The following METAP2 variants were observed in gnomAD, a reference collection of about 807,000 sequenced individuals.
METAP2 encodes methionyl aminopeptidase 2, also known as methionine aminopeptidase 2.
In METAP2, 25 loss-of-function variants were observed where a neutral mutation model predicts 59.4. That is an observed-to-expected ratio of 0.42 (90% CI 0.31 to 0.59). The LOEUF (loss-of-function observed/expected upper bound fraction) is 0.59, where lower values mean the gene tolerates loss of function less well. METAP2 is among the 20% of genes least tolerant of loss of function. METAP2 has a pLI of 0.16. For synonymous variants in METAP2, 214 were observed against 194.1 expected (o/e 1.10, Z -0.85); for missense variants, 366 against 581.2 (o/e 0.63, Z 3.81).
chr12:95,506,339 C>T (rs989962125), intron 8 of METAP2, among the ~76,000 whole-genome samples: 9 of 148,484 alleles, frequency 6.1e-5, no homozygotes, highest in African/African-American at 2.0e-4. Flanking sequence ...CTCTGTCGCC[C>T]AGGCTAGAGT....
At position 95,479,957 on chromosome 12, in the gene METAP2, T is replaced by C. The variant is rs114654013; in HGVS notation, c.260-3258T>C. ...TATAGTTTGGTGAGTTTTGACAAAG[T>C]ATGCAATTGTGTAACTACTACCACG... On this transcript the variant is annotated intron_variant, in intron 2 of 10. Coordinates refer to ENST00000323666, the MANE Select transcript of METAP2 (RefSeq NM_006838.4). Among the ~76,000 whole-genome samples, 1,094 of 152,310 alleles carry C rather than the reference T, an allele frequency of 7.2e-3. 15 individuals are homozygous for C. The highest frequency in any genetic ancestry group is 0.024 in the African/African-American group (998 of 41,562).
At chr12:95,484,743 T>A in intron 3 of METAP2, 1 of 408,080 alleles carries the variant, frequency 2.5e-6, no homozygotes, top group South Asian at 1.8e-5. Context: ...CAAGGATAAT[T>A]GTGTTTTTTT....
At chr12:95,511,589 G>A (rs1471997470) in intron 8 of METAP2, among the ~76,000 whole-genome samples, 3 of 151,756 alleles carry the variant, frequency 2.0e-5, no homozygotes, top group Non-Finnish European at 2.9e-5. Context: ...ACAGGGTTTC[G>A]CCATGTTGGT....
intron 4 of METAP2, among the ~76,000 whole-genome samples, chr12:95,487,707 G>A (rs1257361471): frequency 6.6e-6 from 1 of 150,532 alleles, no homozygotes; most frequent in Non-Finnish European, 1.5e-5. Context: ...ACATCTGTCT[G>A]TTTATGTAAG....
At chr12:95,475,013 G>A (rs2076107673) in intron 1 of METAP2, among the ~76,000 whole-genome samples, 1 of 152,146 alleles carries the variant, frequency 6.6e-6, no homozygotes, top group African/African-American at 2.4e-5. Context: ...AGGATATTCT[G>A]TGGCTCAGAA....
chr12:95,474,514 G>A (rs1394486700), intron 1 of METAP2, among the ~76,000 whole-genome samples, 184 bp downstream of exon 1: 2 of 152,164 alleles, frequency 1.3e-5, no homozygotes, highest in Non-Finnish European at 2.9e-5. Flanking sequence ...TCCTCCTGTG[G>A]GACTAGAGGG....
intron 8 of METAP2, among the ~76,000 whole-genome samples, chr12:95,508,931 AG>A (rs1283566712): frequency 6.6e-6 from 1 of 151,346 alleles, no homozygotes; most frequent in Admixed American, 6.6e-5. Flanking sequence ...GTTTAAGCAG[AG>A]AGGATGTGGA....
chr12:95,493,850 T>C (rs1038798464), intron 4 of METAP2, among the ~76,000 whole-genome samples: 1 of 152,268 alleles, frequency 6.6e-6, no homozygotes, highest in Non-Finnish European at 1.5e-5. Context: ...GAGGGTTTTT[T>C]TCCCTCCCTT....
chr12:95,508,988 C>A (rs553510521), intron 8 of METAP2, among the ~76,000 whole-genome samples: 1 of 152,204 alleles, frequency 6.6e-6, no homozygotes, highest in South Asian at 2.1e-4. Context: ...CCGGGTTGAA[C>A]TTTCCAGAAC....
chr12:95,479,558 A>G (rs1326650236), intron 2 of METAP2, among the ~76,000 whole-genome samples: 1 of 152,122 alleles, frequency 6.6e-6, no homozygotes, highest in African/African-American at 2.4e-5. Context: ...TTCATTCAAT[A>G]CATTTTGAGT....
At chr12:95,478,163 T>C (rs1267479340) in intron 2 of METAP2, among the ~76,000 whole-genome samples, 1 of 151,940 alleles carries the variant, frequency 6.6e-6, no homozygotes, top group African/African-American at 2.4e-5. Context: ...TGAAGTGTTA[T>C]CTTGTTCTGT....
rs549762561 is a variant in METAP2 at position 95,495,197 on chromosome 12, C to T, written c.772+59C>T. On this transcript the variant is annotated intron_variant, in intron 6 of 10. Transcript: ENST00000323666. The stretch of plus-strand genomic sequence containing the variant: ...CCTCCTGAAAAACTAGTTTTTGTCT[C>T]TGTTAAATGGAGTGATAAATACTGA... 5.2e-5 allele frequency: 73 copies of T among 1,415,006 alleles called. No homozygotes were observed. In the South Asian group the frequency reaches 5.4e-4, roughly 10 times the overall value. The allele number at this position is 1,415,006 out of a possible 1,614,324, so 87.7% of individuals were successfully genotyped here.
intron 7 of METAP2, among the ~76,000 whole-genome samples, chr12:95,498,333 G>T (rs1220457483): frequency 6.6e-6 from 1 of 152,140 alleles, no homozygotes; most frequent in Non-Finnish European, 1.5e-5. Flanking sequence ...ATAGATTCTG[G>T]ATGTTAATCC....
At chr12:95,502,447 G>A (rs67447297) in intron 7 of METAP2, among the ~76,000 whole-genome samples, 13,225 of 152,204 alleles carry the variant, frequency 0.087, 812 homozygotes, top group African/African-American at 0.17. Context: ...TGTGCTTGAA[G>A]TCTAATTGAG....
chr12:95,488,549 G>A (rs1039850305), intron 4 of METAP2, among the ~76,000 whole-genome samples: 1 of 145,816 alleles, frequency 6.9e-6, no homozygotes, highest in African/African-American at 2.6e-5. Context: ...ATACTTCTGA[G>A]TTCCCAGTAG....
intron 2 of METAP2, among the ~76,000 whole-genome samples, chr12:95,478,860 A>G (rs2076139401): frequency 6.6e-6 from 1 of 152,122 alleles, no homozygotes. Flanking sequence ...GCATTGTGGT[A>G]ATACAAGCTT....
chr12:95,488,881 T>TACACAC (rs10679214), intron 4 of METAP2, among the ~76,000 whole-genome samples: 11 of 150,666 alleles, frequency 7.3e-5, no homozygotes, highest in African/African-American at 2.4e-4. Context: ...CATATAGCCT[T>TACACAC]ACACACACAC....
chr12:95,486,728 C>T lies in METAP2; in HGVS notation c.428+747C>T, dbSNP rs574540526. Among the ~76,000 whole-genome samples the T allele has an allele frequency of 1.0e-3, 152 of 152,270 alleles. 1 individual carries two copies. The highest frequency in any genetic ancestry group is 3.6e-3 in the African/African-American group (149 of 41,560). ...ATCAGGCTGGTCTTGAACTCCCAAC[C>T]TCAGGTGATCCGCCCACCTTGGCCT... On this transcript the variant is annotated intron_variant, in intron 4 of 10. Coordinates refer to ENST00000323666, the MANE Select transcript of METAP2 (RefSeq NM_006838.4).
At chr12:95,476,265 G>C (rs1193285394) in intron 2 of METAP2, 87 bp downstream of exon 2, 1 of 779,654 alleles carries the variant, frequency 1.3e-6, no homozygotes, top group South Asian at 1.8e-5. Flanking sequence ...CCAGCACTTT[G>C]GGAGGTCGAG....
Sources: allele counts gnomAD v4.1 joint callset (sites outside exome capture counted in the v4.1 genomes callset), GRCh38; gene constraint gnomAD v4.1.1; transcripts MANE v1.5; gene names NCBI Gene and HGNC (gene_info 2026-07-23, HGNC 2026-07-21).